Variants in DPPA2 observed in about 807,000 individuals in gnomAD.
DPPA2 encodes the protein developmental pluripotency-associated protein 2.
Under a neutral mutation model 36.2 loss-of-function variants are expected in DPPA2, and 26 were observed. That is an observed-to-expected ratio of 0.72 (90% CI 0.53 to 1.00). The LOEUF is 1.00. Among genes scored for constraint, DPPA2 ranks in the 50% least tolerant of loss-of-function variants. The pLI, the probability that DPPA2 is intolerant of heterozygous loss-of-function variation, is 0.00. For synonymous variants in DPPA2, 113 were observed against 123.2 expected, an observed-to-expected ratio of 0.92 and a Z score of 0.55; for missense variants, 361 against 365.1, an observed-to-expected ratio of 0.99 and a Z score of 0.09.
At chr3:109,308,006 G>A in intron 6 of DPPA2, 26 bp downstream of exon 6, 1 of 1,607,476 alleles carries the variant, frequency 6.2e-7, no homozygotes, top group Non-Finnish European at 8.5e-7. Context: ...TCTGGAGTGG[G>A]ACTCACACTT....
chr3:109,298,565 A>G (rs548407324), intron 8 of DPPA2, among the ~76,000 whole-genome samples: 218 of 151,952 alleles, frequency 1.4e-3, no homozygotes, highest in Non-Finnish European at 2.7e-3. Context: ...AAATACAAAA[A>G]ATTAGCTGGG....
chr3:109,302,075 TCTG>T (rs761505105), intron 7 of DPPA2, among the ~76,000 whole-genome samples: 1 of 152,174 alleles, frequency 6.6e-6, no homozygotes, highest in Non-Finnish European at 1.5e-5. Context: ...TACTCACTCA[TCTG>T]CTAACCTCTA....
intron 8 of DPPA2, among the ~76,000 whole-genome samples, chr3:109,296,538 C>T (rs1181577589): frequency 6.6e-6 from 1 of 151,896 alleles, no homozygotes; most frequent in African/African-American, 2.4e-5. Context: ...AGCTGGGTGT[C>T]GTGGCACATG....
At chr3:109,306,581 T>G (rs1388219040) in intron 6 of DPPA2, among the ~76,000 whole-genome samples, 2 of 151,640 alleles carry the variant, frequency 1.3e-5, no homozygotes, top group Non-Finnish European at 2.9e-5. Context: ...AAAAGGAAGG[T>G]GACTTGAGAT....
At chr3:109,315,970 C>T (rs1707778193) in intron 1 of DPPA2, among the ~76,000 whole-genome samples, 1 of 152,174 alleles carries the variant, frequency 6.6e-6, no homozygotes, top group Non-Finnish European at 1.5e-5. Context: ...ATTATGAGGC[C>T]CCACCCCACC....
intron 7 of DPPA2, among the ~76,000 whole-genome samples, chr3:109,302,179 A>G (rs1346587168): frequency 2.0e-5 from 3 of 152,088 alleles, no homozygotes; most frequent in Non-Finnish European, 4.4e-5. Flanking sequence ...ACTCTTATCC[A>G]CAATGTATGT....
At chr3:109,298,753 G>C (rs1290833632) in intron 8 of DPPA2, among the ~76,000 whole-genome samples, 5 of 139,412 alleles carry the variant, frequency 3.6e-5, no homozygotes, top group Non-Finnish European at 7.9e-5. Context: ...AAATAGCCAG[G>C]CACAGTGGCT....
chr3:109,300,364 C>T lies in DPPA2; in HGVS notation c.*22+7G>A, dbSNP rs1416748238. 11 of 1,606,982 alleles carry T rather than the reference C, an allele frequency of 6.8e-6. No homozygotes were observed. Among genetic ancestry groups the T allele is most frequent in the Admixed American group, 1.7e-5 (1 of 59,926 alleles). ...TTATTTTGAGGTGGCATATTCTCAT[C>T]TCTTACATTGTATTCAAACAGGTTG... On this transcript the variant is annotated splice_region_variant and intron_variant, in intron 8 of 8. Transcript: ENST00000478945.
intron 5 of DPPA2, 79 bp from the exon 6 acceptor site, chr3:109,308,372 T>C (rs1289002099): frequency 6.7e-7 from 1 of 1,486,896 alleles, no homozygotes; most frequent in African/African-American, 1.4e-5. Flanking sequence ...ATTATTCTTT[T>C]TTTTTTTGAG....
At chr3:109,296,669 T>G (rs1276543319) in intron 8 of DPPA2, among the ~76,000 whole-genome samples, 1 of 138,758 alleles carries the variant, frequency 7.2e-6, no homozygotes, top group Non-Finnish European at 1.5e-5. Flanking sequence ...GAGCAAAAAC[T>G]CTGTCTCAAA....
At chr3:109,308,917 GAA>G in intron 5 of DPPA2, 107 bp downstream of exon 5, 1 of 1,343,990 alleles carries the variant, frequency 7.4e-7, no homozygotes, top group Non-Finnish European at 1.0e-6. Context: ...ATGCCACAGT[GAA>G]GAAACCCTGC....
intron 8 of DPPA2, among the ~76,000 whole-genome samples, chr3:109,299,279 G>A (rs1344636753): frequency 1.3e-5 from 2 of 151,980 alleles, no homozygotes; most frequent in Non-Finnish European, 2.9e-5. Flanking sequence ...TTGGGAAACC[G>A]AAGCGGGTGG....
chr3:109,309,958 G>A (rs990439379), intron 3 of DPPA2, among the ~76,000 whole-genome samples: 6 of 151,826 alleles, frequency 4.0e-5, no homozygotes, highest in Admixed American at 3.9e-4. Flanking sequence ...GCCAGGCATG[G>A]TGGCTCATGC....
chr3:109,300,344 T>C (rs774758161), intron 8 of DPPA2, 27 bp downstream of exon 8: 3 of 1,559,798 alleles, frequency 1.9e-6, no homozygotes, highest in African/African-American at 1.4e-5. Flanking sequence ...AATACTTATT[T>C]TGAGGTGGCA....
intron 6 of DPPA2, among the ~76,000 whole-genome samples, chr3:109,305,709 G>A (rs1707547194): frequency 6.6e-6 from 1 of 151,236 alleles, no homozygotes; most frequent in Non-Finnish European, 1.5e-5. Context: ...GGGAGGCAGA[G>A]GTTGCAGTGA....
intron 2 of DPPA2, 78 bp from the exon 3 acceptor site, chr3:109,312,770 A>G (rs2107321029): frequency 3.2e-6 from 5 of 1,548,402 alleles, no homozygotes; most frequent in Middle Eastern, 3.5e-4. Context: ...AAAAGTCATG[A>G]ATAAGGAACT....
chr3:109,309,129 T>C (rs370779235), intron 4 of DPPA2, 41 bp downstream of exon 4: 55 of 1,614,022 alleles, frequency 3.4e-5, no homozygotes, highest in Non-Finnish European at 4.5e-5. Flanking sequence ...AAGACTCCCA[T>C]AATTATTCCC....
intron 6 of DPPA2, among the ~76,000 whole-genome samples, chr3:109,305,371 C>T (rs1004973422): frequency 6.6e-6 from 1 of 152,118 alleles, no homozygotes; most frequent in South Asian, 2.1e-4. Context: ...TCATAAGTTA[C>T]TCAGAGCCAA....
At chr3:109,299,204 CAAAAA>C (rs35767226) in intron 8 of DPPA2, among the ~76,000 whole-genome samples, 1 of 131,222 alleles carries the variant, frequency 7.6e-6, no homozygotes, top group Admixed American at 7.6e-5. Flanking sequence ...CTAAACATAC[CAAAAA>C]AAAAAAAAAA....
Sources: gnomAD v4.1 joint callset for allele counts (sites outside exome capture counted in the v4.1 genomes callset) on GRCh38, gnomAD v4.1.1 for gene constraint, MANE v1.5 for transcripts, NCBI Gene and HGNC (gene_info 2026-07-23, HGNC 2026-07-21) for gene names.